PAPPA2: variants seen among roughly 807,000 people sequenced by gnomAD.
PAPPA2 encodes the protein pappalysin 2.
Under a neutral mutation model 176.4 loss-of-function variants are expected in PAPPA2, and 86 were observed. The ratio of observed to expected loss-of-function variants is 0.49; its 90% CI spans 0.41 to 0.58. The LOEUF (loss-of-function observed/expected upper bound fraction) is 0.58, where lower values mean the gene tolerates loss of function less well. Among genes scored for constraint, PAPPA2 ranks in the 20% least tolerant of loss-of-function variants. PAPPA2 has a pLI of 0.00. For missense variants in PAPPA2, 2,073 were observed against 2,256.9 expected (o/e 0.92, Z 1.65); for synonymous variants, 809 against 852.2 (o/e 0.95, Z 0.88).
rs1312409474 is a variant in PAPPA2, at chr1:176,789,812, G to T, written c.4719G>T (p.Lys1573Asn). ...TTTTTGTTTTATGTTTTATCAGCAA[G>T]CTCCTGAAGATACAATGCCTGGAAG... ...AESAEGKVRN[K>N]LLKIQCLEGG... Residue 1573 changes from lysine to asparagine, a missense_variant, in exon 18 of 23, where the codon AAG becomes AAT. Physicochemically the swap from Lys to Asn is moderately conservative, Grantham distance 94. This residue lies in a region of PAPPA2 where 846 missense variants were observed against 857.9 expected (regional missense o/e 0.99). Transcript: ENST00000367662. 1 of 1,613,134 alleles carries T rather than the reference G, an allele frequency of 6.2e-7. No homozygotes were observed. Among genetic ancestry groups the T allele is most frequent in the South Asian group, 1.1e-5 (1 of 90,988 alleles).
chr1:176,497,532 G>A (rs969621880), intron 1 of PAPPA2, among the ~76,000 whole-genome samples: 1 of 152,150 alleles, frequency 6.6e-6, no homozygotes, highest in Admixed American at 6.5e-5. Flanking sequence ...TTTCAAAACT[G>A]TATTTTGCTT....
At chr1:176,574,527 C>A (rs762339303) in intron 2 of PAPPA2, among the ~76,000 whole-genome samples, 1 of 152,128 alleles carries the variant, frequency 6.6e-6, no homozygotes, top group Admixed American at 6.5e-5. Flanking sequence ...GACTGCTGGG[C>A]AGCTCCCTTT....
intron 3 of PAPPA2, among the ~76,000 whole-genome samples, chr1:176,617,430 A>G (rs978826962): frequency 2.6e-5 from 4 of 152,108 alleles, no homozygotes; most frequent in Non-Finnish European, 5.9e-5. Context: ...TGAGCAGTGT[A>G]CACTGTACCC....
chr1:176,715,605 A>G (rs978281849), intron 12 of PAPPA2, among the ~76,000 whole-genome samples: 1 of 152,158 alleles, frequency 6.6e-6, no homozygotes, highest in African/African-American at 2.4e-5. Context: ...GCTTTCCCTA[A>G]TTTATCAAAA....
rs778104324 is a variant in PAPPA2, at chr1:176,765,770, G to A, written c.4256G>A (p.Cys1419Tyr). Reference sequence around the variant, plus strand: ...TCTATAGGCCCAGGTCTCATGAAGTGTGCTATCACTTGTCAAAGGGGATTT... The same window carrying A: ...TCTATAGGCCCAGGTCTCATGAAGTATGCTATCACTTGTCAAAGGGGATTT... ...CTSIGPGLMK[C>Y]AITCQRGFAL... The change falls in exon 15 of 23, where the codon TGT becomes TAT. Residue 1419 changes from cysteine (C) to tyrosine (Y), a missense_variant. Cys to Tyr is a radical substitution (Grantham distance 194, BLOSUM62 -2). Coordinates refer to ENST00000367662, the MANE Select transcript of PAPPA2 (RefSeq NM_020318.3). 24 of 1,613,980 alleles carry A rather than the reference G, an allele frequency of 1.5e-5. No individual in the cohort carries two copies. The highest frequency in any genetic ancestry group is 2.2e-5 in the East Asian group (1 of 44,858).
chr1:176,686,704 C>T (rs1659856676), intron 4 of PAPPA2, among the ~76,000 whole-genome samples: 1 of 152,180 alleles, frequency 6.6e-6, no homozygotes, highest in African/African-American at 2.4e-5. Context: ...CAGTCCAGGA[C>T]AATACAGATT....
At chr1:176,538,335 A>G (rs537164897) in intron 1 of PAPPA2, among the ~76,000 whole-genome samples, 8 of 152,222 alleles carry the variant, frequency 5.3e-5, no homozygotes, top group Admixed American at 5.2e-4. Context: ...AATCTTCACA[A>G]CCACCAGTGT....
At chr1:176,734,258 C>T (rs1158282977) in intron 12 of PAPPA2, among the ~76,000 whole-genome samples, 1 of 152,066 alleles carries the variant, frequency 6.6e-6, no homozygotes, top group Non-Finnish European at 1.5e-5. Flanking sequence ...TTCAGCCAGT[C>T]GTCTGATTCT....
At chr1:176,721,814 T>C (rs1041737801) in intron 12 of PAPPA2, among the ~76,000 whole-genome samples, 2 of 152,132 alleles carry the variant, frequency 1.3e-5, no homozygotes, top group Non-Finnish European at 2.9e-5. Context: ...TTCAAAAAAA[T>C]TTTTTTCAGG....
At chr1:176,785,129 G>GTCTTCTTCAAGGGC (rs1011295869) in intron 17 of PAPPA2, among the ~76,000 whole-genome samples, 1 of 152,164 alleles carries the variant, frequency 6.6e-6, no homozygotes, top group Non-Finnish European at 1.5e-5. Context: ...TTAGGCTTCA[G>GTCTTCTTCAAGGGC]TCTTCTTCAA....
intron 1 of PAPPA2, among the ~76,000 whole-genome samples, chr1:176,547,892 A>G (rs1191328617): frequency 6.6e-6 from 1 of 152,200 alleles, no homozygotes; most frequent in Non-Finnish European, 1.5e-5. Context: ...CCTCCATTCC[A>G]GGATTTTTTA....
chr1:176,556,429 A>G lies in PAPPA2; in HGVS notation c.107A>G (p.Glu36Gly), dbSNP rs764035540. The G allele has an allele frequency of 6.2e-7, 1 of 1,614,196 alleles. No homozygotes were observed. The highest frequency in any genetic ancestry group is 1.7e-5 in the Admixed American group (1 of 60,032). ...TGGACACGCAAGAAATCCTTGGTTG[A>G]GAGGGAACACCTGAATCAGGTGCTG... ...LGWTRKKSLV[E>G]REHLNQVLLE... The change falls in exon 2 of 23, where the codon GAG becomes GGG. Residue 36 changes from glutamate (E) to glycine (G), a missense_variant. Transcript: ENST00000367662.
intron 12 of PAPPA2, among the ~76,000 whole-genome samples, chr1:176,732,307 A>C (rs1662196818): frequency 6.6e-6 from 1 of 152,198 alleles, no homozygotes; most frequent in African/African-American, 2.4e-5. Flanking sequence ...ACTGGGAGAA[A>C]ATATACACTC....
At chr1:176,793,855 A>G (rs1226750245) in intron 20 of PAPPA2, among the ~76,000 whole-genome samples, 186 bp downstream of exon 20, 1 of 152,110 alleles carries the variant, frequency 6.6e-6, no homozygotes, top group African/African-American at 2.4e-5. Flanking sequence ...AAACAAAGAT[A>G]TCCGCCGAGG....
At chr1:176,680,062 G>A (rs1659506420) in intron 4 of PAPPA2, among the ~76,000 whole-genome samples, 1 of 152,176 alleles carries the variant, frequency 6.6e-6, no homozygotes, top group Non-Finnish European at 1.5e-5. Context: ...AATGGATACT[G>A]GGTAAGACAT....
At chr1:176,792,888 A>C (rs1233575288) in intron 19 of PAPPA2, among the ~76,000 whole-genome samples, 1 of 152,150 alleles carries the variant, frequency 6.6e-6, no homozygotes, top group East Asian at 1.9e-4. Context: ...CTCTGTGTGG[A>C]AGGGAATAGA....
chr1:176,653,904 G>T (rs1032516481), intron 3 of PAPPA2, among the ~76,000 whole-genome samples: 1 of 151,736 alleles, frequency 6.6e-6, no homozygotes, highest in African/African-American at 2.4e-5. Context: ...CTTTGGAGAT[G>T]CCAATTCTGC....
chr1:176,686,353 A>G (rs192062562), intron 4 of PAPPA2, among the ~76,000 whole-genome samples: 29 of 152,272 alleles, frequency 1.9e-4, no homozygotes, highest in African/African-American at 7.0e-4. Context: ...CACTTATAAA[A>G]CTATGAGATC....
intron 2 of PAPPA2, among the ~76,000 whole-genome samples, chr1:176,564,636 C>T (rs180966624): frequency 6.6e-6 from 1 of 152,098 alleles, no homozygotes; most frequent in Non-Finnish European, 1.5e-5. Flanking sequence ...AACAGAACTT[C>T]CCAGATATTT....
Sources: allele counts gnomAD v4.1 joint callset (sites outside exome capture counted in the v4.1 genomes callset), GRCh38; gene constraint gnomAD v4.1.1; regional missense constraint gnomAD v4.1.1; transcripts MANE v1.5; gene names NCBI Gene and HGNC (gene_info 2026-07-23, HGNC 2026-07-21).